OR14A2: variants seen among roughly 807,000 people sequenced by gnomAD.
OR14A2 encodes the protein olfactory receptor family 14 subfamily A member 2.
For synonymous variants in OR14A2, 114 were observed against 58.6 expected, an observed-to-expected ratio of 1.95 and a Z score of -4.32; for missense variants, 237 against 152.9, an observed-to-expected ratio of 1.55 and a Z score of -2.90.
the OR14A2 span, among the ~76,000 whole-genome samples, chr1:247,733,711 C>T: frequency 6.6e-6 from 1 of 152,092 alleles, no homozygotes; most frequent in Non-Finnish European, 1.5e-5. Context: ...AAAGACAAAA[C>T]CCTGCAACTA....
upstream of OR14A2, among the ~76,000 whole-genome samples, chr1:247,727,315 C>A (rs1388440240): frequency 6.7e-6 from 1 of 148,316 alleles, no homozygotes; most frequent in Non-Finnish European, 1.5e-5. Flanking sequence ...GGAGTTCACT[C>A]ATGATTTGGC....
the OR14A2 span, among the ~76,000 whole-genome samples, chr1:247,747,506 C>T: frequency 6.6e-5 from 10 of 151,872 alleles, no homozygotes; most frequent in East Asian, 1.9e-4. Flanking sequence ...GAACTACAGG[C>T]GCTCGCCACC....
chr1:247,723,857 T>G (rs1452412779), exon 1 of OR14A2: 4 of 717,756 alleles, frequency 5.6e-6, no homozygotes, highest in Non-Finnish European at 7.8e-6. Flanking sequence ...AAGGATAAGT[T>G]CTTCAGGAAG....
the OR14A2 span, among the ~76,000 whole-genome samples, chr1:247,740,490 A>G: frequency 6.6e-6 from 1 of 152,174 alleles, no homozygotes; most frequent in South Asian, 2.1e-4. Context: ...TTAAAAATAA[A>G]TTATGTTTTT....
the OR14A2 span, chr1:247,739,339 A>T: frequency 2.6e-6 from 2 of 780,710 alleles, no homozygotes; most frequent in Middle Eastern, 2.3e-4. Context: ...TGTGTGCCTC[A>T]CCTCATTGTT....
upstream of OR14A2, among the ~76,000 whole-genome samples, chr1:247,724,763 G>C (rs1031949563): frequency 2.0e-5 from 3 of 152,034 alleles, no homozygotes; most frequent in Non-Finnish European, 4.4e-5. Context: ...CATTATAAGG[G>C]TGGTTGATTT....
the OR14A2 span, among the ~76,000 whole-genome samples, chr1:247,733,132 C>T: frequency 6.6e-6 from 1 of 152,144 alleles, no homozygotes; most frequent in South Asian, 2.1e-4. Flanking sequence ...ATTCATCAAA[C>T]TTGTGACCCT....
chr1:247,732,601 A>G, the OR14A2 span, among the ~76,000 whole-genome samples: 12 of 152,284 alleles, frequency 7.9e-5, no homozygotes, highest in East Asian at 5.8e-4. Flanking sequence ...GTCCCTTGGT[A>G]CTTACCCAAC....
chr1:247,734,641 C>G, the OR14A2 span, among the ~76,000 whole-genome samples: 1 of 152,176 alleles, frequency 6.6e-6, no homozygotes, highest in African/African-American at 2.4e-5. Context: ...GATCTAGATT[C>G]AGTCCCTGTC....
chr1:247,728,118 C>A (rs1365147711), upstream of OR14A2, among the ~76,000 whole-genome samples: 4 of 150,454 alleles, frequency 2.7e-5, no homozygotes, highest in Admixed American at 2.6e-4. Flanking sequence ...GAGACACAAC[C>A]AAAAAAGAGA....
At chr1:247,725,658 T>G (rs1471064078), upstream of OR14A2, among the ~76,000 whole-genome samples, 4 of 138,312 alleles carry the variant, frequency 2.9e-5, no homozygotes, top group African/African-American at 1.1e-4. Flanking sequence ...ATTAGGTATA[T>G]CTCCCAATGC....
At chr1:247,745,882 C>G in the OR14A2 span, among the ~76,000 whole-genome samples, 1 of 152,076 alleles carries the variant, frequency 6.6e-6, no homozygotes, top group Non-Finnish European at 1.5e-5. Context: ...TTGAGACTTC[C>G]TTGCATTTCT....
chr1:247,725,760 C>T (rs2103202700), upstream of OR14A2, among the ~76,000 whole-genome samples: 1 of 132,734 alleles, frequency 7.5e-6, no homozygotes. Context: ...CAGTTCCCAC[C>T]TATGAGTGAG....
chr1:247,733,601 A>G, the OR14A2 span, among the ~76,000 whole-genome samples: 2 of 152,146 alleles, frequency 1.3e-5, no homozygotes, highest in African/African-American at 4.8e-5. Context: ...TACAGGTATC[A>G]TGCTTGGGGA....
At chr1:247,739,330 G>A in the OR14A2 span, 2 of 780,786 alleles carry the variant, frequency 2.6e-6, no homozygotes, top group Non-Finnish European at 4.8e-6. Context: ...TTTTCCAACT[G>A]TGTGCCTCAC....
chr1:247,745,704 A>G, the OR14A2 span, among the ~76,000 whole-genome samples: 1 of 152,206 alleles, frequency 6.6e-6, no homozygotes, highest in East Asian at 1.9e-4. Context: ...AAAAGTTATA[A>G]AAAGACATCA....
chr1:247,740,279 C>T, the OR14A2 span, among the ~76,000 whole-genome samples: 1 of 152,184 alleles, frequency 6.6e-6, no homozygotes, highest in African/African-American at 2.4e-5. Context: ...CAGGTTTTAT[C>T]GATTCAACGT....
At chr1:247,737,229 C>T in the OR14A2 span, among the ~76,000 whole-genome samples, 15 of 152,138 alleles carry the variant, frequency 9.9e-5, no homozygotes, top group African/African-American at 2.4e-4. Context: ...CTCATCCTCT[C>T]GGCTGTGTGT....
chr1:247,724,746 G>A (rs1292600854), upstream of OR14A2, among the ~76,000 whole-genome samples: 1 of 152,076 alleles, frequency 6.6e-6, no homozygotes, highest in Non-Finnish European at 1.5e-5. Flanking sequence ...GTGTACTAAA[G>A]CCACATCATT....
Sources: gnomAD v4.1 joint callset for allele counts (sites outside exome capture counted in the v4.1 genomes callset) on GRCh38, gnomAD v4.1.1 for gene constraint, MANE v1.5 for transcripts, NCBI Gene and HGNC (gene_info 2026-07-23, HGNC 2026-07-21) for gene names.